MYH11: variants seen among roughly 807,000 people sequenced by gnomAD.
MYH11 encodes the protein myosin heavy chain 11, also known as myosin-11.
A neutral mutation model predicts 246.6 loss-of-function variants in MYH11; 80 were observed. The ratio of observed to expected loss-of-function variants is 0.32; its 90% CI spans 0.27 to 0.39. The LOEUF (loss-of-function observed/expected upper bound fraction) is 0.39. MYH11 is among the 10% of genes least tolerant of loss of function. MYH11 has a pLI of 1.00. For synonymous variants in MYH11, 1,071 were observed against 1,015.5 expected (o/e 1.05, Z -1.04); for missense variants, 2,158 against 2,546.8 (o/e 0.85, Z 3.29).
Position 15,782,385 on chromosome 16 carries a change from G to C in MYH11, c.726C>G (p.Phe242Leu). ...KTVKNDNSSR[F>L]GKFIRINFDV... ...AAATCCATGTGGCTTTGCTACTTAC[G>C]AATCGTGAGGAGTTGTCGTTCTTCA... Residue 242 changes from phenylalanine (F) to leucine (L), a missense_variant and splice_region_variant, in exon 6 of 41, where the codon TTC becomes TTG. Around this residue, in one of 11 missense-constraint regions of MYH11, gnomAD observed 123 missense variants for 207.1 expected, o/e 0.59. Transcript: ENST00000300036. 3.1e-6 allele frequency: 5 copies of C among 1,613,714 alleles called. No homozygotes were observed. Among genetic ancestry groups the C allele is most frequent in the Non-Finnish European group, 4.2e-6 (5 of 1,179,630 alleles).
chr16:15,758,039 G>A (rs761414975), intron 12 of MYH11, 39 bp from the exon 13 acceptor site: 2 of 1,612,336 alleles, frequency 1.2e-6, no homozygotes, highest in Non-Finnish European at 1.7e-6. Context: ...GAGCATCTTG[G>A]TATGAAGTCA....
intron 4 of MYH11, among the ~76,000 whole-genome samples, chr16:15,794,223 G>C (rs2042690009): frequency 6.6e-6 from 1 of 152,218 alleles, no homozygotes; most frequent in African/African-American, 2.4e-5. Context: ...TGGGATTACA[G>C]GCCTGAGCCA....
intron 28 of MYH11, 130 bp downstream of exon 28, chr16:15,726,718 C>T (rs1439530057): frequency 2.8e-6 from 3 of 1,080,790 alleles, no homozygotes; most frequent in South Asian, 2.6e-5. Flanking sequence ...GCCTCTCCTC[C>T]AGGAACGCAA....
At chr16:15,724,135 A>C in intron 31 of MYH11, 26 bp downstream of exon 31, 1 of 1,612,090 alleles carries the variant, frequency 6.2e-7, no homozygotes. Context: ...CCATGGCCAG[A>C]GTGGGGGACA....
intron 4 of MYH11, among the ~76,000 whole-genome samples, chr16:15,798,418 G>A (rs1487178529): frequency 1.3e-5 from 2 of 152,080 alleles, no homozygotes; most frequent in African/African-American, 4.8e-5. Context: ...GAGAGGTATG[G>A]AACCAAATGA....
At chr16:15,831,465 G>GTGTA (rs1491175675) in intron 2 of MYH11, among the ~76,000 whole-genome samples, 3 of 5,604 alleles carry the variant, frequency 5.4e-4, no homozygotes, top group African/African-American at 4.3e-3. Flanking sequence ...TATGTTTGGG[G>GTGTA]TGTGTGTGTG....
chr16:15,813,848 A>T (rs1343678807), intron 3 of MYH11, among the ~76,000 whole-genome samples: 1 of 139,658 alleles, frequency 7.2e-6, no homozygotes, highest in Non-Finnish European at 1.6e-5. Flanking sequence ...AGGGGGGAAA[A>T]GGCAAAAAAA....
In MYH11 at chr16:15,704,118, C is replaced by T; in HGVS notation, c.5792G>A (p.Gly1931Glu). 6.2e-7 allele frequency: 1 copy of T among 1,614,052 alleles called. No individual in the cohort carries two copies. The highest frequency in any genetic ancestry group is 2.2e-5 in the East Asian group (1 of 44,872). Residue 1931 changes from glycine to glutamate, a missense_variant, in exon 41 of 41, where the codon GGA (glycine) becomes GAA (glutamate). Physicochemically the swap from Gly to Glu is moderately conservative, Grantham distance 98. This residue lies in a region of MYH11 where 1,013 missense variants were observed against 993.5 expected (regional missense o/e 1.02). Coordinates refer to ENST00000300036, the MANE Select transcript of MYH11 (RefSeq NM_002474.3). ...VNALKSKLRRGNETSFVPSRR... is the reference protein window; with the variant it reads ...VNALKSKLRRENETSFVPSRR... The stretch of plus-strand genomic sequence containing the variant: ...AGAAGGAACGAAAGAGGTCTCGTTT[C>T]CTCGCCTGTGGGTTGTAAGAAAACA...
chr16:15,828,071 G>A (rs1009839327), intron 2 of MYH11, among the ~76,000 whole-genome samples: 1 of 152,178 alleles, frequency 6.6e-6, no homozygotes, highest in Non-Finnish European at 1.5e-5. Flanking sequence ...AAAGGGCAGT[G>A]GCTAAGGGCT....
intron 3 of MYH11, among the ~76,000 whole-genome samples, chr16:15,804,005 C>G (rs1419658857): frequency 6.6e-6 from 1 of 152,170 alleles, no homozygotes; most frequent in Non-Finnish European, 1.5e-5. Context: ...ACTCTGAGAT[C>G]CTGGAAATTT....
intron 1 of MYH11, among the ~76,000 whole-genome samples, chr16:15,839,530 C>T (rs537591794): frequency 2.0e-5 from 3 of 151,718 alleles, no homozygotes; most frequent in South Asian, 4.2e-4. Context: ...CCTGTCTCTA[C>T]TAAAAATACA....
At chr16:15,819,152 G>A (rs2043339001) in intron 3 of MYH11, among the ~76,000 whole-genome samples, 2 of 152,340 alleles carry the variant, frequency 1.3e-5, no homozygotes, top group East Asian at 1.9e-4. Flanking sequence ...TAGGACTGAA[G>A]ACATGCTGCT....
intron 4 of MYH11, among the ~76,000 whole-genome samples, chr16:15,790,304 CA>C (rs1361904570): frequency 6.8e-6 from 1 of 147,638 alleles, no homozygotes; most frequent in Non-Finnish European, 1.5e-5. Context: ...GACTCCATCT[CA>C]AAAAACAAAC....
rs56692255 is a variant in MYH11, at chr16:15,807,105, G to T, written c.503-8418C>A. On this transcript the variant is annotated intron_variant, in intron 3 of 40. Transcript: ENST00000300036. ...GCCTCCTGAGCAGCTGGGACTACAG[G>T]TGCATGCCACTACGCCTGGCTAATG... Among the ~76,000 whole-genome samples, 713 of 152,240 alleles carry T rather than the reference G, an allele frequency of 4.7e-3. 3 individuals carry two copies. Among genetic ancestry groups the T allele is most frequent in the African/African-American group, 0.016 (681 of 41,544 alleles).
At chr16:15,828,237 G>A (rs1420992370) in intron 2 of MYH11, among the ~76,000 whole-genome samples, 3 of 152,228 alleles carry the variant, frequency 2.0e-5, no homozygotes, top group Non-Finnish European at 4.4e-5. Flanking sequence ...TGTGCTGCGA[G>A]ATAATGCTCG....
Position 15,720,289 on chromosome 16 carries a change from C to T in MYH11, c.4815G>A (p.Leu1605=), listed in dbSNP as rs1401043343. 7 of 1,614,110 alleles carry T rather than the reference C, an allele frequency of 4.3e-6. No individual in the cohort carries two copies. In the Middle Eastern group the frequency reaches 8.2e-4, roughly 190 times the overall value. Residue 1605 remains leucine, a synonymous_variant, in exon 34 of 41, where the codon CTG becomes CTA. Transcript: ENST00000300036. The part of the protein sequence containing the change: ...QRQLHEYETE[L]EDERKQRALA... The stretch of plus-strand genomic sequence containing the variant: ...GGGCACGTTGCTTTCGCTCGTCTTC[C>T]AGTTCCGTCTCATACTCGTGAAGCT...
intron 8 of MYH11, among the ~76,000 whole-genome samples, chr16:15,774,345 T>C (rs1039762385): frequency 6.6e-6 from 1 of 152,252 alleles, no homozygotes; most frequent in Non-Finnish European, 1.5e-5. Context: ...TGCCCATTTC[T>C]GGAAGACCAG....
intron 19 of MYH11, among the ~76,000 whole-genome samples, chr16:15,746,702 T>A (rs1265573502): frequency 6.6e-6 from 1 of 152,100 alleles, no homozygotes; most frequent in Admixed American, 6.6e-5. Flanking sequence ...AGCTGGGACA[T>A]CACACCCTCC....
At chr16:15,763,741 T>TCGGGCCCCCCCCCCCCC in intron 10 of MYH11, 55 bp downstream of exon 10, 10 of 646,838 alleles carry the variant, frequency 1.5e-5, no homozygotes, top group Non-Finnish European at 1.7e-5. Context: ...AAATGTCACC[T>TCGGGCCCCCCCCCCCCC]CCCCCACCCC....
Sources: gnomAD v4.1 joint callset for allele counts (sites outside exome capture counted in the v4.1 genomes callset) on GRCh38, gnomAD v4.1.1 for gene constraint, gnomAD v4.1.1 regional missense constraint, MANE v1.5 for transcripts, NCBI Gene and HGNC (gene_info 2026-07-23, HGNC 2026-07-21) for gene names.